Variants in RP1 observed in about 807,000 individuals in gnomAD.
RP1 encodes oxygen-regulated protein 1.
RP1 carries 16 observed loss-of-function variants against 14.8 expected under a neutral mutation model. That is an observed-to-expected ratio of 1.08 (90% confidence interval 0.73 to 1.65). The LOEUF is 1.65. RP1 is among the 40% of genes most tolerant of loss of function. RP1 has a pLI of 0.00. For missense variants in RP1, 2,631 were observed against 2,535.0 expected (o/e 1.04, Z -0.81); for synonymous variants, 876 against 883.6 (o/e 0.99, Z 0.15).
chr8:54,769,071 T>C (rs1387682031), intron 22 of RP1, among the ~76,000 whole-genome samples: 3 of 151,986 alleles, frequency 2.0e-5, no homozygotes, highest in Non-Finnish European at 1.5e-5. Context: ...AATTTTTTTA[T>C]TTTTAGTAGA....
chr8:54,697,776 A>C (rs1807907164), intron 12 of RP1, among the ~76,000 whole-genome samples: 1 of 152,236 alleles, frequency 6.6e-6, no homozygotes, highest in African/African-American at 2.4e-5. Flanking sequence ...ACCTGACAAA[A>C]ACAAGCAATG....
At chr8:54,616,226 C>A (rs1805711759) in intron 1 of RP1, 24 bp downstream of exon 1, 1 of 152,164 alleles carries the variant, frequency 6.6e-6, no homozygotes. Flanking sequence ...TATTTGAAAT[C>A]TTTCTTTGGA....
chr8:54,720,860 T>A (rs1033034040), intron 16 of RP1, among the ~76,000 whole-genome samples: 2 of 152,238 alleles, frequency 1.3e-5, no homozygotes, highest in Non-Finnish European at 2.9e-5. Flanking sequence ...TATTTAAACA[T>A]GTATTTGTGT....
chr8:54,741,707 GTATATATATATATA>G lies in RP1; in HGVS notation c.2808+2708_2808+2721del, dbSNP rs372225314. Among the ~76,000 whole-genome samples, 485 of 58,040 alleles carry G rather than the reference GTATATATATATATA, an allele frequency of 8.4e-3. 5 individuals are homozygous for G. The highest frequency in any genetic ancestry group is 0.023 in the Middle Eastern group (2 of 88). 38.1% of individuals were successfully genotyped at this position (58,040 alleles called of 152,430 possible). On this transcript the variant is annotated intron_variant, in intron 19 of 22. Transcript: ENST00000636932. ...TGTACATATAAATACAAATGTGTGT[GTATATATATATATA>G]TATATATATATATATATATATATAT...
downstream of RP1, among the ~76,000 whole-genome samples, chr8:54,633,075 C>T (rs2129319729): frequency 6.6e-6 from 1 of 152,272 alleles, no homozygotes; most frequent in African/African-American, 2.4e-5. Flanking sequence ...ATGCTTTAAG[C>T]ATTGGGGCAG....
chr8:54,792,753 T>C (rs1252123796), intron 24 of RP1, among the ~76,000 whole-genome samples: 1 of 150,648 alleles, frequency 6.6e-6, no homozygotes, highest in Non-Finnish European at 1.5e-5. Flanking sequence ...AGATCTCAAA[T>C]AAACAAGCTA....
At chr8:54,734,614 C>G in exon 18 of RP1, 1 of 1,535,702 alleles carries the variant, frequency 6.5e-7, no homozygotes, top group African/African-American at 1.4e-5. Context: ...TTAGTGCTGA[C>G]AGGAAATACA....
At chr8:54,763,999 G>A (rs1399607308) in intron 22 of RP1, among the ~76,000 whole-genome samples, 2 of 152,132 alleles carry the variant, frequency 1.3e-5, no homozygotes, top group Non-Finnish European at 2.9e-5. Context: ...ACTATGGCTA[G>A]AATAGACTAT....
chr8:54,726,588 C>T (rs1808660187), intron 17 of RP1: 3 of 1,089,178 alleles, frequency 2.8e-6, no homozygotes, highest in South Asian at 2.5e-5. Flanking sequence ...TTATGTTATA[C>T]CACATGGACT....
At chr8:54,584,907 A>T (rs1400059585) in intron 1 of RP1, among the ~76,000 whole-genome samples, 1 of 152,082 alleles carries the variant, frequency 6.6e-6, no homozygotes, top group Non-Finnish European at 1.5e-5. Flanking sequence ...TGCACGTGAG[A>T]TGGGTTTCCT....
intron 1 of RP1, among the ~76,000 whole-genome samples, chr8:54,581,419 G>C (rs953700607): frequency 3.3e-5 from 5 of 152,136 alleles, no homozygotes; most frequent in African/African-American, 1.2e-4. Context: ...TGGACATTTG[G>C]GTTGGTTCCA....
chr8:54,864,399 C>T (rs1311033923), intron 27 of RP1, among the ~76,000 whole-genome samples: 1 of 152,066 alleles, frequency 6.6e-6, no homozygotes, highest in Non-Finnish European at 1.5e-5. Flanking sequence ...AAACACCAAA[C>T]AGAAAAAATA....
rs1394891531 is a variant in RP1, at chr8:54,736,755, C to G, written c.2721+2011C>G. 2.6e-5 allele frequency among the ~76,000 whole-genome samples: 4 copies of G among 152,226 alleles called. No homozygotes were observed. In the South Asian group the frequency reaches 8.3e-4, roughly 32 times the overall value. Reference sequence around the variant, plus strand: ...CTCCAGGCCAGCAGGATGGGCATTGCCTGGGATCTTGTTAAACACACAGAA... The same window carrying G: ...CTCCAGGCCAGCAGGATGGGCATTGGCTGGGATCTTGTTAAACACACAGAA... On this transcript the variant is annotated intron_variant, in intron 18 of 22. Transcript: ENST00000636932.
intron 14 of RP1, among the ~76,000 whole-genome samples, chr8:54,703,287 C>G (rs181672408): frequency 2.0e-4 from 31 of 152,244 alleles, no homozygotes; most frequent in African/African-American, 7.5e-4. Flanking sequence ...ACTTCTTGAT[C>G]CATAGGCTAC....
At chr8:54,713,425 T>C (rs138049731) in intron 15 of RP1, among the ~76,000 whole-genome samples, 24 of 152,188 alleles carry the variant, frequency 1.6e-4, no homozygotes, top group South Asian at 4.2e-4. Flanking sequence ...GATGTAGGAA[T>C]TGTAGGAAAA....
At chr8:54,774,600 C>T (rs186912736), downstream of RP1, among the ~76,000 whole-genome samples, 7 of 152,222 alleles carry the variant, frequency 4.6e-5, no homozygotes, top group East Asian at 5.8e-4. Flanking sequence ...CTTCTCATGC[C>T]CTGGCTGGGT....
intron 24 of RP1, among the ~76,000 whole-genome samples, chr8:54,832,334 C>T (rs1811550307): frequency 6.6e-6 from 1 of 151,668 alleles, no homozygotes; most frequent in South Asian, 2.1e-4. Flanking sequence ...AATTGTTTTA[C>T]TAATTATTTC....
chr8:54,718,955 G>T (rs1040171231), intron 15 of RP1, among the ~76,000 whole-genome samples: 9 of 152,126 alleles, frequency 5.9e-5, no homozygotes, highest in Non-Finnish European at 1.2e-4. Flanking sequence ...CCACAGAATT[G>T]TATAGCACAA....
At chr8:54,719,208 C>G (rs191945653) in intron 15 of RP1, among the ~76,000 whole-genome samples, 2 of 152,226 alleles carry the variant, frequency 1.3e-5, no homozygotes, top group East Asian at 3.9e-4. Context: ...CCTATCCCTA[C>G]CCCCAGCTCA....
Sources: gnomAD v4.1 joint callset for allele counts (sites outside exome capture counted in the v4.1 genomes callset) on GRCh38, gnomAD v4.1.1 for gene constraint, MANE v1.5 for transcripts, NCBI Gene and HGNC (gene_info 2026-07-23, HGNC 2026-07-21) for gene names.